Variants in TMEM135 observed in about 807,000 individuals in gnomAD.
TMEM135 encodes transmembrane protein 135, also known as peroxisomal membrane protein 52.
A neutral mutation model predicts 60.3 loss-of-function variants in TMEM135; 30 were observed. The ratio of observed to expected loss-of-function variants is 0.50; its 90% CI spans 0.37 to 0.68. The LOEUF is 0.68. Ranked by LOEUF, TMEM135 falls within the 30% of genes least tolerant of loss-of-function variation. The pLI is 0.00. For missense variants in TMEM135, 468 were observed against 548.8 expected (o/e 0.85, Z 1.47); for synonymous variants, 190 against 186.7 (o/e 1.02, Z -0.14).
chr11:87,241,032 C>T (rs967913618), intron 6 of TMEM135, among the ~76,000 whole-genome samples: 6 of 93,942 alleles, frequency 6.4e-5, no homozygotes, highest in African/African-American at 2.4e-4. Flanking sequence ...ATACTTTAAA[C>T]TTTTAGAAAC....
intron 5 of TMEM135, among the ~76,000 whole-genome samples, chr11:87,201,056 C>G (rs531661): frequency 0.13 from 20,015 of 152,054 alleles, 1,376 homozygotes; most frequent in Non-Finnish European, 0.15. Context: ...TGTTAGCACT[C>G]TTTTTTATTT....
chr11:87,053,956 C>T (rs1321696665), intron 1 of TMEM135, among the ~76,000 whole-genome samples: 2 of 151,966 alleles, frequency 1.3e-5, no homozygotes, highest in Non-Finnish European at 2.9e-5. Context: ...TCTTTGGATA[C>T]TAGGAATATA....
At chr11:87,193,568 T>A (rs1434555257) in intron 5 of TMEM135, among the ~76,000 whole-genome samples, 1 of 151,992 alleles carries the variant, frequency 6.6e-6, no homozygotes. Flanking sequence ...AACTGTTAAT[T>A]TCTTCTAAGT....
At chr11:87,312,990 G>T (rs562453353) in intron 10 of TMEM135, among the ~76,000 whole-genome samples, 1 of 151,816 alleles carries the variant, frequency 6.6e-6, no homozygotes, top group East Asian at 1.9e-4. Context: ...TCTGCTGGTG[G>T]TGGATTTTCT....
intron 4 of TMEM135, among the ~76,000 whole-genome samples, chr11:87,149,384 G>A (rs1591056921): frequency 1.3e-5 from 2 of 152,052 alleles, no homozygotes; most frequent in East Asian, 3.9e-4. Flanking sequence ...CATTCTCAGA[G>A]GTTTATTCTT....
intron 6 of TMEM135, among the ~76,000 whole-genome samples, chr11:87,269,826 G>T (rs911404936): frequency 1.0e-4 from 15 of 149,052 alleles, no homozygotes; most frequent in African/African-American, 3.7e-4. Flanking sequence ...TGTCTTTATA[G>T]CAGCATGATT....
chr11:87,079,880 C>T lies in TMEM135; in HGVS notation c.362+8265C>T, dbSNP rs529000221. ...TTTTTGAGACGGAGCCTCACTCTGT[C>T]GCCCAGGCTGGAGTGCAGTGGCGTG... On this transcript the variant is annotated intron_variant, in intron 3 of 14. Coordinates refer to ENST00000305494, the MANE Select transcript of TMEM135 (RefSeq NM_022918.4). Among the ~76,000 whole-genome samples, 191 of 139,156 alleles carry T rather than the reference C, an allele frequency of 1.4e-3. 1 individual carries two copies. The highest frequency in any genetic ancestry group is 2.3e-3 in the Non-Finnish European group (154 of 65,700). 91.3% of individuals were successfully genotyped at this position (139,156 alleles called of 152,430 possible). A position where few individuals can be genotyped will look rare whatever the true frequency, so the allele number is the denominator to read the frequency against.
intron 6 of TMEM135, among the ~76,000 whole-genome samples, chr11:87,292,503 T>C (rs1335687258): frequency 6.6e-6 from 1 of 152,198 alleles, no homozygotes; most frequent in African/African-American, 2.4e-5. Context: ...CATAGAATAA[T>C]GAGGAACCTT....
chr11:87,132,993 A>G (rs967432351), intron 4 of TMEM135, among the ~76,000 whole-genome samples: 1 of 152,210 alleles, frequency 6.6e-6, no homozygotes, highest in Non-Finnish European at 1.5e-5. Flanking sequence ...AAATACATGC[A>G]CCATGATACC....
At chr11:87,177,347 A>G (rs967113972) in intron 5 of TMEM135, among the ~76,000 whole-genome samples, 15 of 152,010 alleles carry the variant, frequency 9.9e-5, no homozygotes, top group African/African-American at 2.4e-4. Flanking sequence ...ATTTCTTGTT[A>G]TTTTTTCACT....
At chr11:87,252,012 A>T (rs753873856) in intron 6 of TMEM135, among the ~76,000 whole-genome samples, 37 of 152,158 alleles carry the variant, frequency 2.4e-4, no homozygotes, top group Non-Finnish European at 5.0e-4. Context: ...GGGGTAGTGG[A>T]TTAAGAAATA....
At chr11:87,220,225 A>G (rs917299272) in intron 5 of TMEM135, among the ~76,000 whole-genome samples, 1 of 152,194 alleles carries the variant, frequency 6.6e-6, no homozygotes, top group Admixed American at 6.5e-5. Flanking sequence ...TGCTTTCCTT[A>G]GGGCATTTTC....
chr11:87,216,128 T>C (rs1940494934), intron 5 of TMEM135, among the ~76,000 whole-genome samples: 1 of 152,210 alleles, frequency 6.6e-6, no homozygotes, highest in Non-Finnish European at 1.5e-5. Flanking sequence ...AGAAACATAG[T>C]GTATATAGGG....
chr11:87,093,685 C>G (rs574820895), intron 4 of TMEM135, among the ~76,000 whole-genome samples: 1 of 152,162 alleles, frequency 6.6e-6, no homozygotes, highest in East Asian at 1.9e-4. Flanking sequence ...TGTGCACCAT[C>G]ACGCCTGGCT....
intron 12 of TMEM135, among the ~76,000 whole-genome samples, chr11:87,317,143 G>A (rs1942747027): frequency 6.6e-6 from 1 of 151,952 alleles, no homozygotes; most frequent in African/African-American, 2.4e-5. Flanking sequence ...GAATATAGAA[G>A]TATAGGATAT....
intron 5 of TMEM135, among the ~76,000 whole-genome samples, chr11:87,201,350 AAAAT>A (rs1243455890): frequency 6.6e-6 from 1 of 152,190 alleles, no homozygotes; most frequent in Non-Finnish European, 1.5e-5. Flanking sequence ...TTCTGTATGG[AAAAT>A]AAATAAGTGG....
intron 4 of TMEM135, chr11:87,096,680 A>G (rs1408372903): frequency 6.6e-6 from 1 of 152,164 alleles, no homozygotes; most frequent in Admixed American, 6.5e-5. Context: ...AACCCTACAA[A>G]GTTATGTTGC....
chr11:87,101,562 T>C (rs1398416440), intron 4 of TMEM135, among the ~76,000 whole-genome samples: 1 of 152,260 alleles, frequency 6.6e-6, no homozygotes, highest in Non-Finnish European at 1.5e-5. Context: ...TACGTTTTAA[T>C]TGTAAACATA....
chr11:87,040,501 A>G (rs1374980044), intron 1 of TMEM135, among the ~76,000 whole-genome samples: 2 of 152,188 alleles, frequency 1.3e-5, no homozygotes, highest in Non-Finnish European at 1.5e-5. Flanking sequence ...CATCTCTACG[A>G]AAAATATAAA....
Sources: allele counts gnomAD v4.1 joint callset (sites outside exome capture counted in the v4.1 genomes callset), GRCh38; gene constraint gnomAD v4.1.1; transcripts MANE v1.5; gene names NCBI Gene and HGNC (gene_info 2026-07-23, HGNC 2026-07-21).